Variants in ERGIC3 observed in about 807,000 individuals in gnomAD.
The protein encoded by ERGIC3 is endoplasmic reticulum-Golgi intermediate compartment protein 3.
Under a neutral mutation model 54.7 loss-of-function variants are expected in ERGIC3, and 33 were observed. The observed-to-expected ratio is 0.60, with a 90% CI of 0.46 to 0.81. The LOEUF is 0.81. Among genes scored for constraint, ERGIC3 ranks in the 30% least tolerant of loss-of-function variants. The pLI is 0.00. For missense variants in ERGIC3, 399 were observed against 488.4 expected, an observed-to-expected ratio of 0.82 and a Z score of 1.73; for synonymous variants, 186 against 189.8, an observed-to-expected ratio of 0.98 and a Z score of 0.16.
intron 8 of ERGIC3, among the ~76,000 whole-genome samples, chr20:35,555,409 CAG>C (rs1467769900): frequency 6.6e-6 from 1 of 152,176 alleles, no homozygotes; most frequent in Non-Finnish European, 1.5e-5. Context: ...ACACCGGACT[CAG>C]AGGCCACGCT....
At position 35,548,532 on chromosome 20, in the gene ERGIC3, T is replaced by C. The variant is rs1337016356; in HGVS notation, c.485T>C (p.Val162Ala). 5 of 1,614,172 alleles carry C rather than the reference T, an allele frequency of 3.1e-6. No homozygotes were observed. The highest frequency in any genetic ancestry group is 3.4e-6 in the Non-Finnish European group (4 of 1,180,032). The part of the protein sequence containing the change: ...DIKCCNTCED[V>A]REAYRRRGWA... ...AGGTGCTGTAACACCTGTGAAGATG[T>C]GCGGGAGGCATATCGCCGTAGAGGC... Residue 162 changes from valine (V) to alanine (A), a missense_variant, in exon 6 of 13, where the codon GTG becomes GCG. Coordinates refer to ENST00000348547, the MANE Select transcript of ERGIC3 (RefSeq NM_015966.3).
Position 35,556,498 on chromosome 20 carries a change from C to T in ERGIC3, c.879+227C>T, listed in dbSNP as rs907980837. The T allele has an allele frequency of 1.4e-4, 82 of 570,750 alleles. No homozygotes were observed. In the East Asian group the frequency reaches 1.6e-3, roughly 11 times the overall value. The allele number at this position is 570,750 out of a possible 1,614,324, so 35.4% of individuals were successfully genotyped here. On this transcript the variant is annotated intron_variant, in intron 10 of 12. Coordinates refer to ENST00000348547, the MANE Select transcript of ERGIC3 (RefSeq NM_015966.3). ...TTCTGCTGCCCTCACCGCTTCTATCCGTTCCTCCGGTGCCCACCGTCTGCC... is the reference window on the plus strand; with the variant it reads ...TTCTGCTGCCCTCACCGCTTCTATCTGTTCCTCCGGTGCCCACCGTCTGCC...
intron 7 of ERGIC3, among the ~76,000 whole-genome samples, chr20:35,553,022 T>TTTTC (rs2064690030): frequency 1.0e-5 from 1 of 97,606 alleles, no homozygotes; most frequent in East Asian, 2.9e-4. Flanking sequence ...AGCTGGGGAT[T>TTTTC]TTTTTTTTTT....
intron 7 of ERGIC3, chr20:35,554,436 C>G (rs1040588742): frequency 6.8e-6 from 11 of 1,610,612 alleles, no homozygotes; most frequent in Non-Finnish European, 9.3e-6. Context: ...CTGGGGCAGC[C>G]TGCCCTACTA....
chr20:35,554,510 G>C lies in ERGIC3; in HGVS notation c.686-534G>C, dbSNP rs2064700789. ...CCTCTGACCTGGCTGCTGGGTGACT[G>C]TAAAAGGTCTGGGATGTATCTTTGA... On this transcript the variant is annotated intron_variant, in intron 7 of 12. Coordinates refer to ENST00000348547, the MANE Select transcript of ERGIC3 (RefSeq NM_015966.3). The C allele has an allele frequency of 3.1e-5, 32 of 1,039,338 alleles. 1 individual carries two copies. The South Asian group carries it at 4.5e-4, about 14-fold the overall frequency. The allele number at this position is 1,039,338 out of a possible 1,614,324, so 64.4% of individuals were successfully genotyped here.
At chr20:35,542,673 C>T in intron 3 of ERGIC3, 73 bp downstream of exon 3, 1 of 1,601,000 alleles carries the variant, frequency 6.2e-7, no homozygotes, top group South Asian at 1.1e-5. Flanking sequence ...CACACCTCCA[C>T]CCTTAGGTTC....
chr20:35,554,359 C>T (rs2064699699), intron 7 of ERGIC3: 2 of 1,614,036 alleles, frequency 1.2e-6, no homozygotes, highest in Non-Finnish European at 1.7e-6. Flanking sequence ...CTCCTCCCTC[C>T]CCCATGCTGC....
chr20:35,542,912 T>C lies in ERGIC3; in HGVS notation c.338T>C (p.Ile113Thr), dbSNP rs764673620. 6.2e-7 allele frequency: 1 copy of C among 1,614,076 alleles called. No homozygotes were observed. The highest frequency in any genetic ancestry group is 8.5e-7 in the Non-Finnish European group (1 of 1,180,016). Residue 113 changes from isoleucine to threonine, a missense_variant, in exon 4 of 13, where the codon ATC becomes ACC. Physicochemically the swap from Ile to Thr is moderately conservative, Grantham distance 89. Transcript: ENST00000348547. Reference sequence around the variant, plus strand: ...AAGCAACGACTAGATAAAGATGGCATCCCCGTGAGCTCAGAGGCTGAGCGG... The same window carrying C: ...AAGCAACGACTAGATAAAGATGGCACCCCCGTGAGCTCAGAGGCTGAGCGG... ...LFKQRLDKDG[I>T]PVSSEAERHE...
chr20:35,544,406 C>A, intron 4 of ERGIC3: 1 of 293,470 alleles, frequency 3.4e-6, no homozygotes. Context: ...TTCTTTATTT[C>A]AGAGAGAGGG....
rs1330158774 is a variant in ERGIC3 at position 35,557,056 on chromosome 20, C to G, written c.963C>G (p.Val321=). 1.9e-6 allele frequency: 3 copies of G among 1,614,122 alleles called. No homozygotes were observed. The highest frequency in any genetic ancestry group is 2.5e-6 in the Non-Finnish European group (3 of 1,180,042). ...GLLGDQGLPG[V]FVLYELSPMM... is the part of the protein sequence containing the mutation. ...TGGGCGACCAAGGCCTTCCCGGAGT[C>G]TTCGTCCTCTATGAGCTCTCGCCCA... Residue 321 remains valine (V), a synonymous_variant, in exon 11 of 13, where the codon GTC becomes GTG. Coordinates refer to ENST00000348547, the MANE Select transcript of ERGIC3 (RefSeq NM_015966.3).
chr20:35,553,205 G>A (rs945369343), intron 7 of ERGIC3, among the ~76,000 whole-genome samples: 2 of 134,718 alleles, frequency 1.5e-5, no homozygotes, highest in African/African-American at 5.5e-5. Flanking sequence ...ACAGGGTCTT[G>A]CCATGTTGCC....
In ERGIC3 at chr20:35,555,090, G is replaced by C; in HGVS notation, c.717+15G>C. On this transcript the variant is annotated intron_variant, in intron 8 of 12. Transcript: ENST00000348547. ...GCCTTGACAACGTACGTACCAGATG[G>C]AAACCATGGAGGGCAGGTGGGGGTG... 1 of 1,281,886 alleles carries C rather than the reference G, an allele frequency of 7.8e-7. No individual in the cohort carries two copies. Among genetic ancestry groups the C allele is most frequent in the Non-Finnish European group, 1.1e-6 (1 of 906,198 alleles). 79.4% of individuals were successfully genotyped at this position (1,281,886 alleles called of 1,614,324 possible). A position where few individuals can be genotyped will look rare whatever the true frequency, so the allele number is the denominator to read the frequency against.
In ERGIC3 at chr20:35,542,905, G is replaced by C. The variant is rs1424303119; in HGVS notation, c.331G>C (p.Asp111His). The change falls in exon 4 of 13, where the codon GAT (aspartate) becomes CAT (histidine). Residue 111 changes from aspartate to histidine, a missense_variant. Transcript: ENST00000348547. ...CCTGTTCAAGCAACGACTAGATAAA[G>C]ATGGCATCCCCGTGAGCTCAGAGGC... ...HNLFKQRLDK[D>H]GIPVSSEAER... is the part of the protein sequence containing the mutation. 3 of 1,614,046 alleles carry C rather than the reference G, an allele frequency of 1.9e-6. No individual in the cohort carries two copies. Among genetic ancestry groups the C allele is most frequent in the African/African-American group, 2.7e-5 (2 of 74,916 alleles).
chr20:35,557,221 G>A lies in ERGIC3; in HGVS notation c.1044G>A (p.Val348=), dbSNP rs1465451477. The A allele has an allele frequency of 6.2e-7, 1 of 1,614,184 alleles. No individual in the cohort carries two copies. The highest frequency in any genetic ancestry group is 8.5e-7 in the Non-Finnish European group (1 of 1,180,034). Residue 348 remains valine, a synonymous_variant, in exon 12 of 13, where the codon GTG becomes GTA. Transcript: ENST00000348547. ...HRSFTHFLTG[V]CAIIGGMFTV... The stretch of plus-strand genomic sequence containing the variant: ...CCTTCACCCACTTCCTGACAGGTGT[G>A]TGCGCCATCATTGGGGGCATGTTCA...
intron 10 of ERGIC3, 127 bp from the exon 11 acceptor site, chr20:35,556,846 C>A: frequency 7.5e-7 from 1 of 1,335,556 alleles, no homozygotes; most frequent in Non-Finnish European, 1.0e-6. Flanking sequence ...GCCACTAGCA[C>A]GGTGCTGTGT....
At chr20:35,552,122 CTT>C (rs759791624) in intron 7 of ERGIC3, among the ~76,000 whole-genome samples, 1 of 152,162 alleles carries the variant, frequency 6.6e-6, no homozygotes, top group Non-Finnish European at 1.5e-5. Context: ...AAAGTCCAAA[CTT>C]AGCACCAGGA....
At position 35,548,864 on chromosome 20, in the gene ERGIC3, C is replaced by T. The variant is rs200704504; in HGVS notation, c.684C>T (p.His228=). 3.5e-5 allele frequency: 56 copies of T among 1,614,054 alleles called. No individual in the cohort carries two copies. The highest frequency in any genetic ancestry group is 4.2e-5 in the Non-Finnish European group (49 of 1,180,024). Reference sequence around the variant, plus strand: ...AGAGCTTCCAGCAGTCCCATGTGCACGGTGAGTGATCTGCACTAGCTGGGG... The same window carrying T: ...AGAGCTTCCAGCAGTCCCATGTGCATGGTGAGTGATCTGCACTAGCTGGGG... ...PGKSFQQSHV[H]VHDLQSFGLD... Residue 228 remains histidine, a splice_region_variant and synonymous_variant, in exon 7 of 13, where the codon CAC becomes CAT. Transcript: ENST00000348547.
chr20:35,542,510 C>T lies in ERGIC3; in HGVS notation c.160-3C>T, dbSNP rs1284448674. On this transcript the variant is annotated splice_polypyrimidine_tract_variant and splice_region_variant and intron_variant, in intron 2 of 12. Transcript: ENST00000348547. ...AAGTCTTACTGAGGTAGCGCTGCCC[C>T]AGGTGCATCCTGAGCTCTACGTGGA... 4 of 1,613,976 alleles carry T rather than the reference C, an allele frequency of 2.5e-6. No homozygotes were observed. Among genetic ancestry groups the T allele is most frequent in the South Asian group, 1.1e-5 (1 of 91,074 alleles).
rs1450025388 is a variant in ERGIC3 at position 35,547,403 on chromosome 20, T to G, written c.368-9T>G. 6.2e-7 allele frequency: 1 copy of G among 1,613,040 alleles called. No homozygotes were observed. The highest frequency in any genetic ancestry group is 8.5e-7 in the Non-Finnish European group (1 of 1,179,192). On this transcript the variant is annotated splice_polypyrimidine_tract_variant and intron_variant, in intron 4 of 12. Coordinates refer to ENST00000348547, the MANE Select transcript of ERGIC3 (RefSeq NM_015966.3). Reference sequence around the variant, plus strand: ...CCAGCTGATGCCTCTGCTTCTCCCCTCCCCTTAGAGCTTGGGAAAGTCGAG... The same window carrying G: ...CCAGCTGATGCCTCTGCTTCTCCCCGCCCCTTAGAGCTTGGGAAAGTCGAG...
Sources: gnomAD v4.1 joint callset for allele counts (sites outside exome capture counted in the v4.1 genomes callset) on GRCh38, gnomAD v4.1.1 for gene constraint, MANE v1.5 for transcripts, NCBI Gene and HGNC (gene_info 2026-07-23, HGNC 2026-07-21) for gene names.